The following ARMH1 variants were observed in gnomAD, a reference collection of about 807,000 sequenced individuals.
ARMH1 encodes the protein armadillo-like helical domain containing protein 1.
ARMH1 carries 34 observed loss-of-function variants against 50.2 expected under a neutral mutation model. The observed-to-expected ratio is 0.68, with a 90% CI of 0.51 to 0.90. The LOEUF is 0.90. ARMH1 is among the 40% of genes least tolerant of loss of function. The probability of loss-of-function intolerance (pLI) is 0.00; values close to 1 mark genes in which losing one functional copy is unlikely to be tolerated. For synonymous variants in ARMH1, 221 were observed against 224.2 expected (o/e 0.99, Z 0.13); for missense variants, 538 against 553.9 (o/e 0.97, Z 0.29).
At chr1:44,697,446 C>T (rs1453833993) in intron 3 of ARMH1, among the ~76,000 whole-genome samples, 10 of 152,146 alleles carry the variant, frequency 6.6e-5, no homozygotes, top group Admixed American at 6.5e-4. Context: ...ATTAGTGGCT[C>T]ACTTAACTGG....
intron 5 of ARMH1, among the ~76,000 whole-genome samples, chr1:44,703,437 C>G (rs781244883): frequency 4.6e-5 from 7 of 151,812 alleles, no homozygotes; most frequent in Non-Finnish European, 7.4e-5. Flanking sequence ...AGACTAACCA[C>G]CTTGGGCGGG....
At position 44,722,322 on chromosome 1, in the gene ARMH1, GGTAGGAGGATCGCTTGAGCCCAGGA is replaced by G. The variant is rs1023540851; in HGVS notation, c.725-1797_725-1773del. Among the ~76,000 whole-genome samples, 26 of 152,290 alleles carry G rather than the reference GGTAGGAGGATCGCTTGAGCCCAGGA, an allele frequency of 1.7e-4. 1 individual carries two copies. In the South Asian group the frequency reaches 4.8e-3, roughly 28 times the overall value. On this transcript the variant is annotated intron_variant, in intron 6 of 11. Coordinates refer to ENST00000535358, the MANE Select transcript of ARMH1 (RefSeq NM_001145636.2). ...TAATCCCTGCACTTAAGGAGGCAGA[GGTAGGAGGATCGCTTGAGCCCAGGA>G]GTTCAAGACCAGCCTGGACGACAGA... is the stretch of plus-strand genomic sequence containing the variant.
chr1:44,722,982 G>A (rs1557572485), intron 6 of ARMH1, among the ~76,000 whole-genome samples: 1 of 151,578 alleles, frequency 6.6e-6, no homozygotes, highest in Non-Finnish European at 1.5e-5. Flanking sequence ...GGCTGAGGCA[G>A]GAGAATTGCT....
At chr1:44,708,743 C>T (rs1400782336) in intron 6 of ARMH1, among the ~76,000 whole-genome samples, 1 of 152,128 alleles carries the variant, frequency 6.6e-6, no homozygotes, top group Non-Finnish European at 1.5e-5. Context: ...AGAACGCTAC[C>T]TTCCCCCACC....
chr1:44,690,916 A>G (rs1313903899), intron 2 of ARMH1, among the ~76,000 whole-genome samples: 1 of 152,022 alleles, frequency 6.6e-6, no homozygotes, highest in Admixed American at 6.5e-5. Flanking sequence ...TGACCTCAAA[A>G]TGCTGGGAGT....
rs1033079791 is a variant in ARMH1, at chr1:44,692,495, C to T, written c.206+2592C>T. Among the ~76,000 whole-genome samples the T allele has an allele frequency of 4.5e-4, 68 of 152,158 alleles. 1 individual carries two copies. The highest frequency in any genetic ancestry group is 1.5e-4 in the Non-Finnish European group (10 of 68,030). ...TAGATCCAGTGGGCAAGAATCGCAT[C>T]TGTTCTACTTATCTTTATATTTCTA... On this transcript the variant is annotated intron_variant, in intron 2 of 11. Coordinates refer to ENST00000535358, the MANE Select transcript of ARMH1 (RefSeq NM_001145636.2).
chr1:44,718,003 A>T (rs947743097), intron 6 of ARMH1, among the ~76,000 whole-genome samples: 2 of 152,262 alleles, frequency 1.3e-5, no homozygotes, highest in Non-Finnish European at 2.9e-5. Flanking sequence ...TCATTTTTCT[A>T]AGTAGCTCCA....
intron 1 of ARMH1, among the ~76,000 whole-genome samples, chr1:44,676,089 A>G (rs1050004580): frequency 2.6e-5 from 4 of 152,184 alleles, no homozygotes. Context: ...GCTGAAATGG[A>G]AAGGGCAGGA....
At chr1:44,710,279 G>C (rs1405712662) in intron 6 of ARMH1, among the ~76,000 whole-genome samples, 1 of 152,042 alleles carries the variant, frequency 6.6e-6, no homozygotes, top group Admixed American at 6.6e-5. Flanking sequence ...AAGTTACTTA[G>C]GTTCCTAATT....
At chr1:44,691,459 G>T (rs1053301642) in intron 2 of ARMH1, among the ~76,000 whole-genome samples, 2 of 151,982 alleles carry the variant, frequency 1.3e-5, no homozygotes, top group African/African-American at 2.4e-5. Context: ...ACCTCTCAGT[G>T]GCATTTGTCA....
intron 2 of ARMH1, among the ~76,000 whole-genome samples, chr1:44,690,328 T>A (rs60355652): frequency 0.031 from 4,749 of 151,934 alleles, 255 homozygotes; most frequent in African/African-American, 0.11. Context: ...ATCTGGTGTT[T>A]AAAAAAAAGT....
At chr1:44,720,416 C>T (rs1273112037) in intron 6 of ARMH1, among the ~76,000 whole-genome samples, 4 of 152,102 alleles carry the variant, frequency 2.6e-5, no homozygotes, top group African/African-American at 9.7e-5. Context: ...CAAGCCTCGC[C>T]TGTTGGAATG....
chr1:44,724,987 C>T lies in ARMH1; in HGVS notation c.1128+148C>T. 6.7e-7 allele frequency: 1 copy of T among 1,502,026 alleles called. No homozygotes were observed. 93.0% of individuals were successfully genotyped at this position (1,502,026 alleles called of 1,614,324 possible). On this transcript the variant is annotated intron_variant, in intron 10 of 11. Transcript: ENST00000535358. The surrounding 1 kb of genome is among the most constrained non-coding windows in gnomAD (Gnocchi z 6.4). ...AGGAGGGACTGCTCTGGCGTAGGCT[C>T]CTCCACCCGCCACCTTCCTGTTCCC...
intron 6 of ARMH1, chr1:44,721,637 G>GA (rs1388756983): frequency 1.3e-4 from 20 of 152,296 alleles, no homozygotes; most frequent in African/African-American, 3.4e-4. Flanking sequence ...GCTGAGGTGG[G>GA]AGGATTGCTT....
At position 44,682,869 on chromosome 1, in the gene ARMH1, G is replaced by A. The variant is rs932323368; in HGVS notation, c.-22-6807G>A. On this transcript the variant is annotated intron_variant, in intron 1 of 11. Coordinates refer to ENST00000535358, the MANE Select transcript of ARMH1 (RefSeq NM_001145636.2). The surrounding 1 kb of genome is among the most constrained non-coding windows in gnomAD (Gnocchi z 4.5). Reference sequence around the variant, plus strand: ...GTGGGAGGATCACTCGAGCCCAGGCGATTGAGGCTGCGGTAAGTTATGATT... The same window carrying A: ...GTGGGAGGATCACTCGAGCCCAGGCAATTGAGGCTGCGGTAAGTTATGATT... Among the ~76,000 whole-genome samples the A allele has an allele frequency of 2.6e-5, 4 of 152,336 alleles. No homozygotes were observed. Among genetic ancestry groups the A allele is most frequent in the Admixed American group, 1.3e-4 (2 of 15,294 alleles).
At chr1:44,678,892 T>G (rs1645220292) in intron 1 of ARMH1, among the ~76,000 whole-genome samples, 1 of 152,212 alleles carries the variant, frequency 6.6e-6, no homozygotes, top group Admixed American at 6.5e-5. Flanking sequence ...GCCAAGGACC[T>G]TTGGCTTAGC....
At chr1:44,718,944 G>A (rs759111676) in intron 6 of ARMH1, among the ~76,000 whole-genome samples, 1 of 143,610 alleles carries the variant, frequency 7.0e-6, no homozygotes, top group Non-Finnish European at 1.5e-5. Context: ...AGAATCACTT[G>A]AACCTATGAG....
Position 44,682,035 on chromosome 1 carries a change from G to A in ARMH1, c.-23+7162G>A, listed in dbSNP as rs1645330013. 6.6e-6 allele frequency among the ~76,000 whole-genome samples: 1 copy of A among 152,186 alleles called. No homozygotes were observed. Among genetic ancestry groups the A allele is most frequent in the Non-Finnish European group, 1.5e-5 (1 of 68,022 alleles). On this transcript the variant is annotated intron_variant, in intron 1 of 11. Coordinates refer to ENST00000535358, the MANE Select transcript of ARMH1 (RefSeq NM_001145636.2). This position sits in a 1 kb window ranked among gnomAD's most constrained non-coding sequence, Gnocchi z 4.5. ...GCCCTGCCAGTCTGTAAGCACCCGA[G>A]GGCAAGGTCTATGTTTGTCACGTTA... is the stretch of plus-strand genomic sequence containing the variant.
intron 2 of ARMH1, among the ~76,000 whole-genome samples, chr1:44,690,182 C>T (rs760169265): frequency 9.9e-5 from 15 of 152,166 alleles, no homozygotes; most frequent in Non-Finnish European, 1.6e-4. Flanking sequence ...CATGCCACTG[C>T]ACTCCAGCCT....
Sources: allele counts gnomAD v4.1 joint callset (sites outside exome capture counted in the v4.1 genomes callset), GRCh38; gene constraint gnomAD v4.1.1; non-coding constraint Gnocchi (gnomAD v3.1); transcripts MANE v1.5; gene names NCBI Gene and HGNC (gene_info 2026-07-23, HGNC 2026-07-21).